CCNYL1: variants seen among roughly 807,000 people sequenced by gnomAD.
CCNYL1 encodes cyclin-Y-like protein 1.
Under a neutral mutation model 44.2 loss-of-function variants are expected in CCNYL1, and 16 were observed. The observed-to-expected ratio is 0.36, with a 90% confidence interval of 0.25 to 0.55. The LOEUF is 0.55. Among genes scored for constraint, CCNYL1 ranks in the 20% least tolerant of loss-of-function variants. The pLI is 0.85. For missense variants in CCNYL1, 348 were observed against 451.8 expected, an observed-to-expected ratio of 0.77 and a Z score of 2.08; for synonymous variants, 159 against 163.2, an observed-to-expected ratio of 0.97 and a Z score of 0.20.
At chr2:207,744,709 T>G (rs2091841689) in intron 7 of CCNYL1, among the ~76,000 whole-genome samples, 1 of 151,944 alleles carries the variant, frequency 6.6e-6, no homozygotes, top group South Asian at 2.1e-4. Context: ...GTACTTTAGG[T>G]AGATTTTGAG....
chr2:207,750,336 T>C (rs1326458933), intron 8 of CCNYL1, among the ~76,000 whole-genome samples: 3 of 152,246 alleles, frequency 2.0e-5, no homozygotes, highest in Non-Finnish European at 4.4e-5. Flanking sequence ...ACTTGCATTA[T>C]GCCCTTTGAC....
chr2:207,733,099 G>A (rs1264706795), intron 3 of CCNYL1, among the ~76,000 whole-genome samples: 1 of 152,082 alleles, frequency 6.6e-6, no homozygotes, highest in Non-Finnish European at 1.5e-5. Flanking sequence ...TGGTGTGGCT[G>A]CGGGCAAAGG....
chr2:207,749,627 G>A (rs1352857163), intron 8 of CCNYL1, among the ~76,000 whole-genome samples: 1 of 152,136 alleles, frequency 6.6e-6, no homozygotes, highest in Non-Finnish European at 1.5e-5. Context: ...ATGTATTAGT[G>A]GAAAAAATAT....
chr2:207,714,286 A>G, intron 1 of CCNYL1: 1 of 407,510 alleles, frequency 2.5e-6, no homozygotes, highest in South Asian at 1.8e-5. Context: ...TTTATTTTAC[A>G]CGATTCAGAG....
At chr2:207,728,550 A>G (rs189800301) in intron 3 of CCNYL1, among the ~76,000 whole-genome samples, 17 of 152,334 alleles carry the variant, frequency 1.1e-4, no homozygotes, top group Admixed American at 1.0e-3. Context: ...TGTTGGGGTT[A>G]CAGGTGTGAG....
Position 207,713,947 on chromosome 2 carries a change from T to C in CCNYL1, c.220+1831T>C, listed in dbSNP as rs894884042. On this transcript the variant is annotated intron_variant, in intron 1 of 9. Coordinates refer to ENST00000295414, the MANE Select transcript of CCNYL1 (RefSeq NM_001330218.2). ...CCAGTTAGTAGATGGGTGGGTGGTG[T>C]TGGGTGAGAGCCCCAAATAAGGCTC... Among the ~76,000 whole-genome samples, 3 of 152,186 alleles carry C rather than the reference T, an allele frequency of 2.0e-5. No homozygotes were observed. In the East Asian group the frequency reaches 5.8e-4, roughly 29 times the overall value.
chr2:207,741,924 G>A (rs2091814145), intron 6 of CCNYL1, among the ~76,000 whole-genome samples: 1 of 151,844 alleles, frequency 6.6e-6, no homozygotes, highest in Non-Finnish European at 1.5e-5. Context: ...GCCAAGGCAG[G>A]TGGATTGCCT....
At chr2:207,749,118 C>T (rs535786751) in intron 8 of CCNYL1, among the ~76,000 whole-genome samples, 4 of 152,276 alleles carry the variant, frequency 2.6e-5, no homozygotes, top group Non-Finnish European at 5.9e-5. Flanking sequence ...ATGTAAGCTT[C>T]AGGAGCAGTG....
At chr2:207,751,637 C>T (rs527900662) in intron 9 of CCNYL1, among the ~76,000 whole-genome samples, 1 of 152,060 alleles carries the variant, frequency 6.6e-6, no homozygotes, top group South Asian at 2.1e-4. Flanking sequence ...GGCAGATCAC[C>T]TGAGGTTGGG....
At chr2:207,714,063 T>A (rs1418898738) in intron 1 of CCNYL1, among the ~76,000 whole-genome samples, 1 of 152,106 alleles carries the variant, frequency 6.6e-6, no homozygotes, top group Non-Finnish European at 1.5e-5. Flanking sequence ...GTGTTGCTAA[T>A]GAAGAAATAA....
rs1177415229 is a variant in CCNYL1 at position 207,711,961 on chromosome 2, G to A, written c.65G>A (p.Gly22Glu). 1 of 1,402,194 alleles carries A rather than the reference G, an allele frequency of 7.1e-7. No homozygotes were observed. 86.9% of individuals were successfully genotyped at this position (1,402,194 alleles called of 1,614,324 possible). A position where few individuals can be genotyped will look rare whatever the true frequency, so the allele number is the denominator to read the frequency against. ...AGCCCCAAGCTGGGCCGGCGCGCGG[G>A]GTCGGCGGAGCTGTACTGCGCGTCC... Reference protein sequence around the residue: ...NASPKLGRRAGSAELYCASDI... With the variant: ...NASPKLGRRAESAELYCASDI... Residue 22 changes from glycine to glutamate, a missense_variant, in exon 1 of 10, where the codon GGG becomes GAG. By Grantham distance (98) the Gly-to-Glu change is moderately conservative. This residue lies in a region of CCNYL1 where 209 missense variants were observed against 247.7 expected (regional missense o/e 0.84). Transcript: ENST00000295414.
intron 9 of CCNYL1, among the ~76,000 whole-genome samples, chr2:207,752,642 C>T (rs2091902141): frequency 6.6e-6 from 1 of 152,106 alleles, no homozygotes; most frequent in Non-Finnish European, 1.5e-5. Flanking sequence ...GAGTATACAG[C>T]AGAATTACAA....
At chr2:207,731,114 A>C (rs1405458360) in intron 3 of CCNYL1, among the ~76,000 whole-genome samples, 6 of 152,146 alleles carry the variant, frequency 3.9e-5, no homozygotes, top group Non-Finnish European at 8.8e-5. Context: ...ACATAGATGG[A>C]GGTGTTTCAT....
intron 1 of CCNYL1, among the ~76,000 whole-genome samples, chr2:207,716,852 G>C (rs556707231): frequency 6.6e-6 from 1 of 152,204 alleles, no homozygotes; most frequent in East Asian, 1.9e-4. Flanking sequence ...GCTCACGCCT[G>C]TAATCCCAGC....
Position 207,711,804 on chromosome 2 carries a change from C to G in CCNYL1, c.-93C>G, listed in dbSNP as rs1403350555. The G allele has an allele frequency of 2.6e-5, 23 of 882,176 alleles. No individual in the cohort carries two copies. The highest frequency in any genetic ancestry group is 3.3e-5 in the Non-Finnish European group (21 of 642,398). 54.6% of individuals were successfully genotyped at this position (882,176 alleles called of 1,614,324 possible). ...CAGCGTAGCCCGGGGCTGCCGGTGC[C>G]GGCCGCGCCATTGTTGGGGGAGGGG... On this transcript the variant is annotated 5_prime_UTR_variant, in exon 1 of 10. Transcript: ENST00000295414.
chr2:207,731,730 T>C (rs2091727952), intron 3 of CCNYL1, among the ~76,000 whole-genome samples: 1 of 151,960 alleles, frequency 6.6e-6, no homozygotes, highest in Non-Finnish European at 1.5e-5. Flanking sequence ...GTGATACTCT[T>C]GATAACAAAA....
chr2:207,718,093 ATGGG>A (rs1232319057), intron 1 of CCNYL1, among the ~76,000 whole-genome samples: 10 of 151,612 alleles, frequency 6.6e-5, no homozygotes, highest in African/African-American at 2.4e-4. Context: ...TTTAATAGAG[ATGGG>A]GTTTCTCCGT....
At chr2:207,750,836 G>C (rs1575225593) in intron 8 of CCNYL1, 121 bp from the exon 9 acceptor site, 2 of 787,832 alleles carry the variant, frequency 2.5e-6, no homozygotes, top group Non-Finnish European at 4.0e-6. Context: ...ATACAACTGG[G>C]TAGCCTATAT....
intron 5 of CCNYL1, among the ~76,000 whole-genome samples, chr2:207,739,538 C>T (rs2551962): frequency 0.16 from 23,625 of 152,110 alleles, 3,030 homozygotes; most frequent in East Asian, 0.38. Flanking sequence ...CCACTTCTTT[C>T]ATTTTTGAGA....
Sources: allele counts gnomAD v4.1 joint callset (sites outside exome capture counted in the v4.1 genomes callset), GRCh38; gene constraint gnomAD v4.1.1; regional missense constraint gnomAD v4.1.1; transcripts MANE v1.5; gene names NCBI Gene and HGNC (gene_info 2026-07-23, HGNC 2026-07-21).